Variants in HSD11B1 observed in about 807,000 individuals in gnomAD.
The protein encoded by HSD11B1 is hydroxysteroid 11-beta dehydrogenase 1.
HSD11B1 carries 15 observed loss-of-function variants against 22.1 expected under a neutral mutation model. The ratio of observed to expected loss-of-function variants is 0.68; its 90% CI spans 0.45 to 1.04. The LOEUF (loss-of-function observed/expected upper bound fraction) is 1.04. Ranked by LOEUF, HSD11B1 falls within the 50% of genes least tolerant of loss-of-function variation. HSD11B1 has a pLI of 0.00. For synonymous variants in HSD11B1, 122 were observed against 125.2 expected, an observed-to-expected ratio of 0.97 and a Z score of 0.17; for missense variants, 281 against 357.6, an observed-to-expected ratio of 0.79 and a Z score of 1.73.
At chr1:209,726,600 A>C (rs12097899) in intron 4 of HSD11B1, among the ~76,000 whole-genome samples, 1,922 of 152,240 alleles carry the variant, frequency 0.013, 69 homozygotes, top group East Asian at 0.079. Flanking sequence ...ACAACAACAA[A>C]AAAAAAACTT....
At chr1:209,734,245 C>A in intron 5 of HSD11B1, 59 bp from the exon 6 acceptor site, 6 of 1,383,292 alleles carry the variant, frequency 4.3e-6, no homozygotes, top group Admixed American at 1.9e-5. Flanking sequence ...GTCTCCAGGC[C>A]TTCCATCATG....
rs768839078 is a variant in HSD11B1, at chr1:209,705,828, A to C, written c.106A>C (p.Lys36Gln). ...TTCCCCAGAGATGCTCCAAGGAAAG[A>C]AAGTGATTGTCACAGGGGCCAGCAA... ...EFRPEMLQGK[K>Q]VIVTGASKGI... Residue 36 changes from lysine to glutamine, a missense_variant, in exon 2 of 6, where the codon AAA (lysine) becomes CAA (glutamine). Lys to Gln is a moderately conservative substitution (Grantham distance 53). Coordinates refer to ENST00000367027, the MANE Select transcript of HSD11B1 (RefSeq NM_005525.4). The C allele has an allele frequency of 6.2e-7, 1 of 1,613,950 alleles. No individual in the cohort carries two copies. Among genetic ancestry groups the C allele is most frequent in the Non-Finnish European group, 8.5e-7 (1 of 1,179,864 alleles).
At chr1:209,689,811 A>G (rs754806510) in intron 1 of HSD11B1, among the ~76,000 whole-genome samples, 1 of 152,178 alleles carries the variant, frequency 6.6e-6, no homozygotes, top group Admixed American at 6.5e-5. Context: ...TTCTTTAAAA[A>G]CTACTCAGCT....
At chr1:209,717,841 C>T (rs1427781367) in intron 4 of HSD11B1, among the ~76,000 whole-genome samples, 1 of 131,488 alleles carries the variant, frequency 7.6e-6, no homozygotes, top group African/African-American at 3.1e-5. Context: ...CACTGCACTC[C>T]AGCCTGGGAG....
chr1:209,692,609 G>GGGGGT (rs1553286708), intron 1 of HSD11B1, among the ~76,000 whole-genome samples: 1 of 94,098 alleles, frequency 1.1e-5, no homozygotes, highest in African/African-American at 3.6e-5. Flanking sequence ...TAAAATGGCG[G>GGGGGT]GGGGGGGGGT....
At chr1:209,690,008 C>G (rs2076749862) in intron 1 of HSD11B1, among the ~76,000 whole-genome samples, 1 of 152,162 alleles carries the variant, frequency 6.6e-6, no homozygotes, top group Non-Finnish European at 1.5e-5. Context: ...ATCAAGAAGC[C>G]AATTTTTGGC....
At chr1:209,699,821 T>C (rs549374609) in intron 1 of HSD11B1, among the ~76,000 whole-genome samples, 2 of 152,268 alleles carry the variant, frequency 1.3e-5, no homozygotes, top group Admixed American at 6.5e-5. Context: ...ATTGGGTAAA[T>C]ACAGCCATTC....
At chr1:209,716,507 A>C (rs180676881) in intron 4 of HSD11B1, among the ~76,000 whole-genome samples, 9 of 152,304 alleles carry the variant, frequency 5.9e-5, no homozygotes, top group Non-Finnish European at 5.9e-5. Flanking sequence ...TACCAAGAGC[A>C]ATCTATAGAT....
chr1:209,690,175 G>A (rs1008350886), intron 1 of HSD11B1, among the ~76,000 whole-genome samples: 4 of 152,140 alleles, frequency 2.6e-5, no homozygotes, highest in Admixed American at 6.5e-5. Flanking sequence ...TTAGCAGAGC[G>A]TAGTGGTGCA....
chr1:209,730,907 T>G (rs12561766), intron 4 of HSD11B1, among the ~76,000 whole-genome samples: 6,099 of 152,270 alleles, frequency 0.04, 578 homozygotes, highest in East Asian at 0.3. Flanking sequence ...GCACTGGAGA[T>G]TAACCAAGAG....
At chr1:209,717,335 G>A (rs1348996055) in intron 4 of HSD11B1, among the ~76,000 whole-genome samples, 1 of 152,100 alleles carries the variant, frequency 6.6e-6, no homozygotes, top group Non-Finnish European at 1.5e-5. Context: ...TTAAGAAAAT[G>A]CAAATTAAAA....
chr1:209,734,270 C>T (rs780083788), intron 5 of HSD11B1, 34 bp from the exon 6 acceptor site: 5 of 1,542,510 alleles, frequency 3.2e-6, no homozygotes, highest in Non-Finnish European at 4.5e-6. Context: ...CTGTCCTAGT[C>T]AGATAACCCT....
At chr1:209,697,687 T>A (rs974473509) in intron 1 of HSD11B1, among the ~76,000 whole-genome samples, 2 of 152,110 alleles carry the variant, frequency 1.3e-5, no homozygotes, top group African/African-American at 4.8e-5. Flanking sequence ...GTGGCCAGGA[T>A]GCTGGGCTCC....
intron 4 of HSD11B1, among the ~76,000 whole-genome samples, chr1:209,722,036 C>G (rs1437784096): frequency 6.6e-6 from 1 of 152,232 alleles, no homozygotes; most frequent in East Asian, 1.9e-4. Context: ...TATCTCTTAT[C>G]CAAGGGTGAT....
chr1:209,712,702 CTTTA>C (rs2076905433), intron 4 of HSD11B1, among the ~76,000 whole-genome samples: 1 of 152,078 alleles, frequency 6.6e-6, no homozygotes, highest in Non-Finnish European at 1.5e-5. Context: ...AAGTCTAGGT[CTTTA>C]TTTGTCATTT....
At chr1:209,716,398 A>G (rs559013376) in intron 4 of HSD11B1, among the ~76,000 whole-genome samples, 27 of 152,084 alleles carry the variant, frequency 1.8e-4, no homozygotes, top group Non-Finnish European at 2.5e-4. Context: ...AGGAAAAACT[A>G]TAAAACACCC....
rs889531692 is a variant in HSD11B1, at chr1:209,687,376, C to T, written c.-49+1091C>T. Among the ~76,000 whole-genome samples, 5 of 152,188 alleles carry T rather than the reference C, an allele frequency of 3.3e-5. No homozygotes were observed. The East Asian group carries it at 5.8e-4, about 18-fold the overall frequency. On this transcript the variant is annotated intron_variant, in intron 1 of 6. Coordinates refer to the HSD11B1 transcript ENST00000261465. ...GAAAGGTAAGGAGAGATGAAACAAT[C>T]TCACTTCTGCTGGCTTGCCAAGGTT...
At chr1:209,716,118 C>A (rs2076928222) in intron 4 of HSD11B1, among the ~76,000 whole-genome samples, 1 of 152,066 alleles carries the variant, frequency 6.6e-6, no homozygotes. Context: ...TAAAAGACAT[C>A]CAAACTAGAA....
intron 4 of HSD11B1, among the ~76,000 whole-genome samples, chr1:209,707,520 G>A (rs1202053374): frequency 6.6e-6 from 1 of 152,152 alleles, no homozygotes; most frequent in Non-Finnish European, 1.5e-5. Context: ...GAGACTTGTA[G>A]GGGGGTGATT....
Sources: gnomAD v4.1 joint callset for allele counts (sites outside exome capture counted in the v4.1 genomes callset) on GRCh38, gnomAD v4.1.1 for gene constraint, MANE v1.5 for transcripts, NCBI Gene and HGNC (gene_info 2026-07-23, HGNC 2026-07-21) for gene names.